Variants in TTC28 observed in about 807,000 individuals in gnomAD.
The protein encoded by TTC28 is tetratricopeptide repeat protein 28.
TTC28 carries 61 observed loss-of-function variants against 198.0 expected under a neutral mutation model. The observed-to-expected ratio is 0.31, with a 90% CI of 0.25 to 0.38. The LOEUF (loss-of-function observed/expected upper bound fraction) is 0.38, where lower values mean the gene tolerates loss of function less well. Among genes scored for constraint, TTC28 ranks in the 10% least tolerant of loss-of-function variants. The pLI, the probability that TTC28 is intolerant of heterozygous loss-of-function variation, is 1.00. For missense variants in TTC28, 2,678 were observed against 3,164.0 expected (o/e 0.85, Z 3.69); for synonymous variants, 1,171 against 1,297.8 (o/e 0.90, Z 2.10).
intron 2 of TTC28, among the ~76,000 whole-genome samples, chr22:28,310,016 C>T (rs1329918927): frequency 1.3e-5 from 2 of 152,036 alleles, no homozygotes; most frequent in Non-Finnish European, 2.9e-5. Flanking sequence ...TCCATGCATA[C>T]TACTAGATGA....
chr22:28,297,345 A>G (rs890904871), intron 4 of TTC28, among the ~76,000 whole-genome samples: 50 of 151,742 alleles, frequency 3.3e-4, no homozygotes, highest in African/African-American at 1.2e-3. Flanking sequence ...CGGAGTAGCT[A>G]AGACACAGGT....
intron 2 of TTC28, among the ~76,000 whole-genome samples, chr22:28,616,356 G>A (rs191040759): frequency 1.3e-3 from 196 of 152,130 alleles, no homozygotes; most frequent in Admixed American, 2.0e-3. Flanking sequence ...GCAAATAGAA[G>A]GATTTGAACT....
chr22:28,224,397 C>T (rs560037909), intron 5 of TTC28, among the ~76,000 whole-genome samples: 1 of 152,218 alleles, frequency 6.6e-6, no homozygotes, highest in African/African-American at 2.4e-5. Context: ...TCTCAAGGGC[C>T]GCTCTGTTCT....
At chr22:28,074,722 C>G (rs1306101759) in intron 12 of TTC28, among the ~76,000 whole-genome samples, 1 of 151,910 alleles carries the variant, frequency 6.6e-6, no homozygotes, top group Non-Finnish European at 1.5e-5. Flanking sequence ...TGTCTTTGGG[C>G]TGACACTACC....
chr22:28,543,419 A>T (rs1448571713), intron 2 of TTC28, among the ~76,000 whole-genome samples: 1 of 150,638 alleles, frequency 6.6e-6, no homozygotes, highest in Non-Finnish European at 1.5e-5. Context: ...AAGATGAAGA[A>T]GAGGGAGGAG....
intron 6 of TTC28, among the ~76,000 whole-genome samples, chr22:28,152,830 T>C (rs1454234504): frequency 6.6e-6 from 1 of 152,194 alleles, no homozygotes; most frequent in Non-Finnish European, 1.5e-5. Flanking sequence ...TTTCCATAGA[T>C]TTCCATAGCA....
At chr22:28,655,722 G>A (rs1164641467) in intron 1 of TTC28, among the ~76,000 whole-genome samples, 2 of 152,104 alleles carry the variant, frequency 1.3e-5, no homozygotes, top group Admixed American at 1.3e-4. Context: ...GCCGTGGCGG[G>A]CGCCTGTAGT....
intron 2 of TTC28, among the ~76,000 whole-genome samples, chr22:28,582,619 A>C (rs1315700550): frequency 6.6e-6 from 1 of 152,190 alleles, no homozygotes; most frequent in East Asian, 1.9e-4. Context: ...ATCTCAAAAA[A>C]ATCCATTAAA....
intron 5 of TTC28, among the ~76,000 whole-genome samples, chr22:28,256,749 G>GAC (rs1445612220): frequency 1.3e-5 from 2 of 152,148 alleles, no homozygotes; most frequent in Non-Finnish European, 2.9e-5. Flanking sequence ...CAAAAAAACA[G>GAC]ACACATAAGA....
chr22:28,163,260 G>C lies in TTC28; in HGVS notation c.1273C>G (p.Gln425Glu). 1 of 1,551,820 alleles carries C rather than the reference G, an allele frequency of 6.4e-7. No individual in the cohort carries two copies. Among genetic ancestry groups the C allele is most frequent in the African/African-American group, 1.4e-5 (1 of 73,156 alleles). Residue 425 changes from glutamine (Q) to glutamate (E), a missense_variant, in exon 6 of 23, where the codon CAG becomes GAG. By Grantham distance (29) the Gln-to-Glu change is conservative (BLOSUM62 2). Coordinates refer to ENST00000397906, the MANE Select transcript of TTC28 (RefSeq NM_001145418.2). ...SYHNYVLELAQELMEKAIEMR... is the reference protein window; with the variant it reads ...SYHNYVLELAEELMEKAIEMR... ...TCAATAGCCTTCTCCATCAACTCCT[G>C]TGCCAGCTCCAGGACATAGTTATGG... is the stretch of plus-strand genomic sequence containing the variant.
chr22:28,398,320 G>A (rs1015965385), intron 2 of TTC28, among the ~76,000 whole-genome samples: 9 of 152,166 alleles, frequency 5.9e-5, no homozygotes. Context: ...AAATACAGTA[G>A]CCGCATTTCT....
Position 28,679,742 on chromosome 22 carries a change from G to T in TTC28, c.-19C>A. ...GCTCCATCCCCACGGGGCCCGGGCC[G>T]CGTCCGCCTCGAGCTAACGGTCCCG... On this transcript the variant is annotated 5_prime_UTR_variant, in exon 1 of 23. Coordinates refer to ENST00000397906, the MANE Select transcript of TTC28 (RefSeq NM_001145418.2). 3 of 1,198,098 alleles carry T rather than the reference G, an allele frequency of 2.5e-6. No individual in the cohort carries two copies. Among genetic ancestry groups the T allele is most frequent in the African/African-American group, 3.2e-5 (2 of 62,874 alleles). The allele number at this position is 1,198,098 out of a possible 1,614,324, so 74.2% of individuals were successfully genotyped here.
At chr22:28,260,235 C>A (rs1295731853) in intron 5 of TTC28, among the ~76,000 whole-genome samples, 1 of 152,080 alleles carries the variant, frequency 6.6e-6, no homozygotes, top group East Asian at 1.9e-4. Flanking sequence ...AAGTAGAAAA[C>A]CAGTAGCAGT....
chr22:28,393,827 G>A (rs1569302388), intron 2 of TTC28, among the ~76,000 whole-genome samples: 1 of 152,110 alleles, frequency 6.6e-6, no homozygotes, highest in Non-Finnish European at 1.5e-5. Context: ...TTAATTCTTG[G>A]TTCTCATCTT....
At chr22:28,206,089 C>T (rs1926381875) in intron 5 of TTC28, among the ~76,000 whole-genome samples, 1 of 152,010 alleles carries the variant, frequency 6.6e-6, no homozygotes, top group Non-Finnish European at 1.5e-5. Context: ...GCCCAAGTCC[C>T]CAGGAAGCCA....
At chr22:28,338,380 T>C (rs2045768509) in intron 2 of TTC28, among the ~76,000 whole-genome samples, 1 of 152,226 alleles carries the variant, frequency 6.6e-6, no homozygotes, top group Admixed American at 6.5e-5. Flanking sequence ...AATTTGAATA[T>C]TGGCCTGCCT....
intron 2 of TTC28, among the ~76,000 whole-genome samples, chr22:28,452,389 CAAAAAAAAAAAAAAA>C (rs71194768): frequency 1.4e-4 from 6 of 43,236 alleles, no homozygotes; most frequent in South Asian, 1.3e-3. Flanking sequence ...GATTCCATCT[CAAAAAAAAAAAAAAA>C]AAAAAAAAAA....
chr22:28,391,456 C>T (rs2046718575), intron 2 of TTC28, among the ~76,000 whole-genome samples: 1 of 152,202 alleles, frequency 6.6e-6, no homozygotes, highest in Non-Finnish European at 1.5e-5. Flanking sequence ...TGGTTCCATT[C>T]TCCCCGTCAC....
At chr22:28,060,291 C>T (rs1293912407) in intron 12 of TTC28, among the ~76,000 whole-genome samples, 2 of 152,148 alleles carry the variant, frequency 1.3e-5, no homozygotes, top group South Asian at 2.1e-4. Flanking sequence ...TGTTCCCCAC[C>T]CTGTGTCCAA....
Sources: allele counts gnomAD v4.1 joint callset (sites outside exome capture counted in the v4.1 genomes callset), GRCh38; gene constraint gnomAD v4.1.1; transcripts MANE v1.5; gene names NCBI Gene and HGNC (gene_info 2026-07-23, HGNC 2026-07-21).